The following FNDC3B variants were observed in gnomAD, a reference collection of about 807,000 sequenced individuals.
FNDC3B encodes fibronectin type III domain containing 3B.
In FNDC3B, 12 loss-of-function variants were observed where a neutral mutation model predicts 151.5. The observed-to-expected ratio is 0.08, with a 90% CI of 0.05 to 0.13. The LOEUF is 0.13. Ranked by LOEUF, FNDC3B falls within the 10% of genes least tolerant of loss-of-function variation. FNDC3B has a pLI of 1.00. For missense variants in FNDC3B, 1,214 were observed against 1,505.3 expected (o/e 0.81, Z 3.20); for synonymous variants, 528 against 549.0 (o/e 0.96, Z 0.54).
chr3:172,312,672 A>G (rs888557465), intron 11 of FNDC3B, among the ~76,000 whole-genome samples: 22 of 151,966 alleles, frequency 1.4e-4, no homozygotes, highest in African/African-American at 5.3e-4. Context: ...TCGTGCATGC[A>G]TATGAATCCT....
At chr3:172,153,133 G>A (rs1722316065) in intron 3 of FNDC3B, among the ~76,000 whole-genome samples, 1 of 152,176 alleles carries the variant, frequency 6.6e-6, no homozygotes, top group South Asian at 2.1e-4. Context: ...TTGGGAGCCA[G>A]AAAGCCACGA....
At chr3:172,366,388 A>G (rs1208805954) in intron 23 of FNDC3B, among the ~76,000 whole-genome samples, 1 of 152,202 alleles carries the variant, frequency 6.6e-6, no homozygotes, top group Admixed American at 6.5e-5. Flanking sequence ...CTAAGCATTG[A>G]GAGCTTTGTC....
At chr3:172,182,328 G>A (rs1267455604) in intron 3 of FNDC3B, among the ~76,000 whole-genome samples, 1 of 152,176 alleles carries the variant, frequency 6.6e-6, no homozygotes, top group Non-Finnish European at 1.5e-5. Context: ...TCTCACATTA[G>A]CAGCTGGAGA....
chr3:172,207,494 T>G (rs1279579752), intron 3 of FNDC3B, among the ~76,000 whole-genome samples: 2 of 152,222 alleles, frequency 1.3e-5, no homozygotes, highest in African/African-American at 2.4e-5. Context: ...TAGGCTAGAC[T>G]TCTCCAGATA....
chr3:172,147,444 T>C (rs1230656371), intron 3 of FNDC3B, among the ~76,000 whole-genome samples: 3 of 152,188 alleles, frequency 2.0e-5, no homozygotes, highest in Non-Finnish European at 4.4e-5. Context: ...TGCTTCCCTC[T>C]TTGTTCCCTT....
intron 3 of FNDC3B, among the ~76,000 whole-genome samples, chr3:172,147,253 G>T (rs1485301734): frequency 1.3e-5 from 2 of 151,158 alleles, no homozygotes; most frequent in Non-Finnish European, 1.5e-5. Flanking sequence ...GTTGCAGTGA[G>T]CTGAGATTGC....
intron 4 of FNDC3B, chr3:172,237,579 A>G (rs1560032811): frequency 6.6e-6 from 1 of 152,264 alleles, no homozygotes; most frequent in Non-Finnish European, 1.5e-5. Context: ...CCTGGGCAAC[A>G]CAGTGAGACC....
intron 3 of FNDC3B, among the ~76,000 whole-genome samples, chr3:172,140,444 G>A (rs1197428320): frequency 6.6e-6 from 1 of 152,128 alleles, no homozygotes; most frequent in Non-Finnish European, 1.5e-5. Context: ...AATGTTTGGG[G>A]GCTCTATTTT....
At chr3:172,162,639 T>G (rs1304389439) in intron 3 of FNDC3B, among the ~76,000 whole-genome samples, 2 of 148,276 alleles carry the variant, frequency 1.3e-5, no homozygotes, top group Non-Finnish European at 3.0e-5. Context: ...CACATTCTTG[T>G]CAACACTTGT....
intron 8 of FNDC3B, among the ~76,000 whole-genome samples, chr3:172,298,240 A>C (rs1730737071): frequency 6.6e-6 from 1 of 152,338 alleles, no homozygotes; most frequent in South Asian, 2.1e-4. Flanking sequence ...TTGAGGACAT[A>C]AATGGTTTTA....
intron 1 of FNDC3B, among the ~76,000 whole-genome samples, chr3:172,099,081 C>T (rs577077101): frequency 4.2e-4 from 64 of 152,262 alleles, no homozygotes; most frequent in African/African-American, 1.5e-3. Flanking sequence ...TTATTTATAG[C>T]GGCCAGTGGA....
At chr3:172,186,211 T>C (rs936265653) in intron 3 of FNDC3B, among the ~76,000 whole-genome samples, 7 of 152,230 alleles carry the variant, frequency 4.6e-5, no homozygotes, top group African/African-American at 1.4e-4. Context: ...CTGCCTACTA[T>C]AGTTTCTTTA....
intron 1 of FNDC3B, among the ~76,000 whole-genome samples, chr3:172,041,244 CT>C (rs1716031724): frequency 1.3e-5 from 2 of 152,276 alleles, no homozygotes; most frequent in Non-Finnish European, 1.5e-5. Context: ...TGGGCACCCC[CT>C]GATTGCTTGT....
chr3:172,056,824 T>C (rs1716940817), intron 1 of FNDC3B, among the ~76,000 whole-genome samples: 1 of 152,266 alleles, frequency 6.6e-6, no homozygotes, highest in Non-Finnish European at 1.5e-5. Context: ...ATCAGTTTTG[T>C]CTTGACCTTG....
intron 3 of FNDC3B, among the ~76,000 whole-genome samples, chr3:172,196,706 G>C (rs1724850708): frequency 6.6e-6 from 1 of 152,076 alleles, no homozygotes; most frequent in South Asian, 2.1e-4. Context: ...GGGTCTAGAG[G>C]TTAAGGACAG....
chr3:172,306,682 T>C (rs531344427), intron 9 of FNDC3B, among the ~76,000 whole-genome samples: 1 of 152,360 alleles, frequency 6.6e-6, no homozygotes, highest in East Asian at 1.9e-4. Context: ...ATGGCTTCTC[T>C]GGAGAAATCA....
chr3:172,316,000 CTTTTTTT>C (rs555242809), intron 11 of FNDC3B, among the ~76,000 whole-genome samples: 7 of 79,884 alleles, frequency 8.8e-5, no homozygotes, highest in East Asian at 4.1e-4. Context: ...CTTTCTTCTT[CTTTTTTT>C]TTTTTTTTTT....
At chr3:172,317,783 C>T (rs892582226) in intron 11 of FNDC3B, among the ~76,000 whole-genome samples, 1 of 152,228 alleles carries the variant, frequency 6.6e-6, no homozygotes, top group Admixed American at 6.5e-5. Flanking sequence ...TGACATTCTT[C>T]TGTCAGGAAC....
intron 3 of FNDC3B, among the ~76,000 whole-genome samples, chr3:172,190,715 C>G (rs1724463324): frequency 6.6e-6 from 1 of 152,176 alleles, no homozygotes; most frequent in Non-Finnish European, 1.5e-5. Context: ...ATTGCCCAGG[C>G]TGGAGTGCAA....
Sources: allele counts gnomAD v4.1 joint callset (sites outside exome capture counted in the v4.1 genomes callset), GRCh38; gene constraint gnomAD v4.1.1; transcripts MANE v1.5; gene names NCBI Gene and HGNC (gene_info 2026-07-23, HGNC 2026-07-21).